Variants in USP32 observed in about 807,000 individuals in gnomAD.
The protein encoded by USP32 is ubiquitin specific peptidase 32.
USP32 carries 59 observed loss-of-function variants against 204.8 expected under a neutral mutation model. That is an observed-to-expected ratio of 0.29 (90% CI 0.23 to 0.36). The LOEUF is 0.36. Among genes scored for constraint, USP32 ranks in the 10% least tolerant of loss-of-function variants. USP32 has a pLI of 1.00. For synonymous variants in USP32, 517 were observed against 678.4 expected (o/e 0.76, Z 3.70); for missense variants, 1,160 against 1,946.4 (o/e 0.60, Z 7.60).
intron 1 of USP32, among the ~76,000 whole-genome samples, chr17:60,375,533 T>C (rs1001616099): frequency 6.6e-6 from 1 of 152,170 alleles, no homozygotes; most frequent in African/African-American, 2.4e-5. Flanking sequence ...TGCACACCCA[T>C]GAAGTGTACA....
intron 11 of USP32, among the ~76,000 whole-genome samples, chr17:60,251,140 A>AC (rs2086155788): frequency 6.6e-6 from 1 of 151,862 alleles, no homozygotes; most frequent in Non-Finnish European, 1.5e-5. Context: ...ACAGGGTCTC[A>AC]CCATGTTGCC....
intron 1 of USP32, among the ~76,000 whole-genome samples, chr17:60,414,065 A>G (rs933938988): frequency 1.3e-5 from 2 of 151,834 alleles, no homozygotes; most frequent in African/African-American, 4.8e-5. Context: ...TCAGGGACAC[A>G]TATTAAGATG....
At chr17:60,253,154 A>T (rs2086210722) in intron 10 of USP32, among the ~76,000 whole-genome samples, 1 of 152,230 alleles carries the variant, frequency 6.6e-6, no homozygotes, top group African/African-American at 2.4e-5. Context: ...AAGAATGACA[A>T]AATAGGAAAG....
chr17:60,313,922 T>C (rs2087912148), intron 2 of USP32, among the ~76,000 whole-genome samples: 1 of 150,596 alleles, frequency 6.6e-6, no homozygotes, highest in Admixed American at 6.6e-5. Flanking sequence ...AAACAGAAAA[T>C]TGTAACCAAT....
chr17:60,279,031 G>A (rs2086902454), intron 5 of USP32, among the ~76,000 whole-genome samples: 1 of 152,162 alleles, frequency 6.6e-6, no homozygotes, highest in Non-Finnish European at 1.5e-5. Flanking sequence ...AGAATCAGAG[G>A]AGGAGAGGGA....
chr17:60,402,934 T>C (rs2089947379), intron 1 of USP32, among the ~76,000 whole-genome samples: 1 of 152,144 alleles, frequency 6.6e-6, no homozygotes, highest in Non-Finnish European at 1.5e-5. Flanking sequence ...CCTGACAACA[T>C]TGTGGTTAGG....
chr17:60,262,965 T>G lies in USP32; in HGVS notation c.990+2447A>C, dbSNP rs75953561. ...TACTTGGTGCTAACCTTTTTTTTTT[T>G]CCAGACAAGTTCTCATTCTGTTGCT... On this transcript the variant is annotated intron_variant, in intron 9 of 33. Transcript: ENST00000300896. 2.6e-3 allele frequency among the ~76,000 whole-genome samples: 397 copies of G among 152,150 alleles called. 1 individual carries two copies. The highest frequency in any genetic ancestry group is 4.5e-3 in the Non-Finnish European group (305 of 67,988).
At chr17:60,394,572 G>A (rs759332904), upstream of USP32, among the ~76,000 whole-genome samples, 15 of 152,100 alleles carry the variant, frequency 9.9e-5, no homozygotes, top group Middle Eastern at 3.2e-3. Flanking sequence ...CGCATGTGTC[G>A]TTTTCCAATG....
intron 2 of USP32, among the ~76,000 whole-genome samples, chr17:60,320,633 T>C (rs945018099): frequency 6.6e-6 from 1 of 152,144 alleles, no homozygotes; most frequent in African/African-American, 2.4e-5. Flanking sequence ...AAATTGATGT[T>C]TTTTTCATCA....
intron 15 of USP32, among the ~76,000 whole-genome samples, chr17:60,221,140 T>C (rs1199623429): frequency 6.6e-6 from 1 of 151,830 alleles, no homozygotes; most frequent in Non-Finnish European, 1.5e-5. Context: ...ATGCCTGTAA[T>C]ACCAGCACTT....
chr17:60,390,773 G>A (rs1352816417), intron 1 of USP32, among the ~76,000 whole-genome samples: 4 of 152,104 alleles, frequency 2.6e-5, no homozygotes, highest in Non-Finnish European at 5.9e-5. Flanking sequence ...CCTGGAGCAT[G>A]GCTGATTTCT....
At chr17:60,194,769 C>A (rs2084470884) in intron 27 of USP32, among the ~76,000 whole-genome samples, 1 of 152,182 alleles carries the variant, frequency 6.6e-6, no homozygotes, top group Non-Finnish European at 1.5e-5. Context: ...TTTGCAACCA[C>A]CACCTCCTAT....
chr17:60,294,301 G>T (rs1245063644), intron 4 of USP32, among the ~76,000 whole-genome samples: 1 of 152,084 alleles, frequency 6.6e-6, no homozygotes, highest in Non-Finnish European at 1.5e-5. Context: ...GGTCACAGAT[G>T]GCTCAAGGCT....
chr17:60,274,449 T>C (rs1476462401), intron 5 of USP32, among the ~76,000 whole-genome samples: 7 of 152,244 alleles, frequency 4.6e-5, no homozygotes, highest in African/African-American at 1.4e-4. Flanking sequence ...TCAATGAACC[T>C]TGTGTTAGAA....
chr17:60,315,714 A>C (rs1170626747), intron 2 of USP32: 1 of 152,266 alleles, frequency 6.6e-6, no homozygotes, highest in Non-Finnish European at 1.5e-5. Flanking sequence ...CACACAGTGA[A>C]GTATTATTTA....
chr17:60,401,520 G>A (rs2089935194), intron 1 of USP32, among the ~76,000 whole-genome samples: 2 of 151,948 alleles, frequency 1.3e-5, no homozygotes, highest in South Asian at 4.2e-4. Flanking sequence ...GAAGTTCTGG[G>A]CACCCTCAAA....
chr17:60,284,646 TA>T (rs1278155516), intron 5 of USP32, among the ~76,000 whole-genome samples: 1 of 152,030 alleles, frequency 6.6e-6, no homozygotes, highest in Non-Finnish European at 1.5e-5. Flanking sequence ...ACTGATTAAA[TA>T]AATTTGTTTT....
In USP32 at chr17:60,238,702, G is replaced by A. The variant is rs1280532961; in HGVS notation, c.1137-2462C>T. On this transcript the variant is annotated intron_variant, in intron 11 of 33. Coordinates refer to ENST00000300896, the MANE Select transcript of USP32 (RefSeq NM_032582.4). ...ACCTATAATCCCAGCTACTTGGGAG[G>A]CTGACACAGTAGAATCGCTTGAACC... 2.0e-5 allele frequency among the ~76,000 whole-genome samples: 3 copies of A among 151,862 alleles called. No individual in the cohort carries two copies. In the East Asian group the frequency reaches 5.8e-4, roughly 29 times the overall value.
chr17:60,216,874 A>T (rs1165410885), intron 16 of USP32, among the ~76,000 whole-genome samples: 1 of 152,150 alleles, frequency 6.6e-6, no homozygotes, highest in Non-Finnish European at 1.5e-5. Context: ...AAAAGAGCAA[A>T]TTTCTCCAAT....
Sources: allele counts gnomAD v4.1 joint callset (sites outside exome capture counted in the v4.1 genomes callset), GRCh38; gene constraint gnomAD v4.1.1; transcripts MANE v1.5; gene names NCBI Gene and HGNC (gene_info 2026-07-23, HGNC 2026-07-21).